Variants in PAK1 observed in about 807,000 individuals in gnomAD.
PAK1 encodes p21 (RAC1) activated kinase 1, also known as serine/threonine-protein kinase PAK 1.
PAK1 carries 29 observed loss-of-function variants against 67.4 expected under a neutral mutation model. The observed-to-expected ratio is 0.43, with a 90% CI of 0.32 to 0.59. PAK1 has a LOEUF of 0.59. Among genes scored for constraint, PAK1 ranks in the 20% least tolerant of loss-of-function variants. The probability of loss-of-function intolerance (pLI) is 0.07; values close to 1 mark genes in which losing one functional copy is unlikely to be tolerated. For synonymous variants in PAK1, 223 were observed against 237.4 expected (o/e 0.94, Z 0.56); for missense variants, 337 against 670.7 (o/e 0.50, Z 5.50).
chr11:77,464,474 G>A (rs572951610), intron 1 of PAK1, among the ~76,000 whole-genome samples: 1 of 152,258 alleles, frequency 6.6e-6, no homozygotes, highest in African/African-American at 2.4e-5. Context: ...ATCTTTGTAA[G>A]AGCAAGGACA....
At chr11:77,409,709 T>C (rs996923096) in intron 1 of PAK1, among the ~76,000 whole-genome samples, 1 of 152,078 alleles carries the variant, frequency 6.6e-6, no homozygotes, top group Non-Finnish European at 1.5e-5. Context: ...ATATCACATG[T>C]TCTCACTCAT....
chr11:77,410,679 G>A (rs755446503), intron 1 of PAK1, among the ~76,000 whole-genome samples: 1 of 151,466 alleles, frequency 6.6e-6, no homozygotes, highest in Non-Finnish European at 1.5e-5. Flanking sequence ...TGAAGGGGAC[G>A]GCGGGAGAAA....
chr11:77,442,683 TAATA>T (rs1317716097), intron 1 of PAK1, among the ~76,000 whole-genome samples: 3 of 152,208 alleles, frequency 2.0e-5, no homozygotes, highest in Non-Finnish European at 2.9e-5. Context: ...CTGTGTGAAA[TAATA>T]AATGTTTATT....
intron 1 of PAK1, among the ~76,000 whole-genome samples, chr11:77,434,140 T>C: frequency 6.6e-6 from 1 of 152,128 alleles, no homozygotes; most frequent in East Asian, 1.9e-4. Flanking sequence ...CTCCTAAATA[T>C]ATACTTAAAG....
the PAK1 span, among the ~76,000 whole-genome samples, chr11:77,512,310 G>C: frequency 6.6e-6 from 1 of 151,420 alleles, no homozygotes; most frequent in Non-Finnish European, 1.5e-5. Flanking sequence ...TTCCTCTTCT[G>C]TGGTCCATGG....
chr11:77,474,394 T>G (rs924849602), upstream of PAK1: 11 of 152,024 alleles, frequency 7.2e-5, no homozygotes, highest in African/African-American at 2.2e-4. Flanking sequence ...AATCACCCGC[T>G]TGCTGCGTGA....
At chr11:77,457,789 A>G (rs929025605) in intron 1 of PAK1, among the ~76,000 whole-genome samples, 2 of 152,218 alleles carry the variant, frequency 1.3e-5, no homozygotes, top group African/African-American at 2.4e-5. Context: ...TAAAATACAC[A>G]CTAGGCAGGA....
At chr11:77,417,750 T>C (rs994271965) in intron 1 of PAK1, among the ~76,000 whole-genome samples, 13 of 151,756 alleles carry the variant, frequency 8.6e-5, no homozygotes, top group African/African-American at 2.9e-4. Context: ...TTTTTTTTTT[T>C]TGAGACAGAG....
At chr11:77,360,699 T>G (rs1233282534) in intron 5 of PAK1, among the ~76,000 whole-genome samples, 1 of 152,184 alleles carries the variant, frequency 6.6e-6, no homozygotes, top group East Asian at 1.9e-4. Flanking sequence ...GGCAGTGATA[T>G]TAACATCTGT....
intron 1 of PAK1, among the ~76,000 whole-genome samples, chr11:77,468,607 T>C (rs1957708006): frequency 6.6e-6 from 1 of 152,216 alleles, no homozygotes; most frequent in South Asian, 2.1e-4. Context: ...CTTCTAAGTC[T>C]GCAACATCAT....
At chr11:77,450,963 T>C (rs1169629972) in intron 1 of PAK1, among the ~76,000 whole-genome samples, 1 of 152,168 alleles carries the variant, frequency 6.6e-6, no homozygotes, top group African/African-American at 2.4e-5. Flanking sequence ...ACAGCAAAGC[T>C]CATACCTTAC....
chr11:77,482,668 A>C, the PAK1 span, among the ~76,000 whole-genome samples: 8 of 147,610 alleles, frequency 5.4e-5, no homozygotes, highest in Admixed American at 5.5e-4. Context: ...ATCTCGTCTC[A>C]CTGCAGCCTC....
chr11:77,442,196 C>T (rs748265427), intron 1 of PAK1, among the ~76,000 whole-genome samples: 8 of 152,126 alleles, frequency 5.3e-5, no homozygotes, highest in Non-Finnish European at 1.0e-4. Flanking sequence ...CTGTGAAAAC[C>T]ACTACTTGGA....
At chr11:77,391,158 C>T (rs1565655185) in intron 2 of PAK1, among the ~76,000 whole-genome samples, 1 of 152,158 alleles carries the variant, frequency 6.6e-6, no homozygotes, top group Non-Finnish European at 1.5e-5. Flanking sequence ...CCGCAATCTA[C>T]CATTGTGCTT....
intron 1 of PAK1, 100 bp from the exon 2 acceptor site, chr11:77,392,641 C>T (rs1735826286): frequency 1.2e-6 from 1 of 861,740 alleles, no homozygotes; most frequent in African/African-American, 1.7e-5. Context: ...TACAGCCCTT[C>T]CTTCAGGGTC....
Position 77,323,219 on chromosome 11 carries a change from A to G in PAK1, c.*55T>C. 1.9e-6 allele frequency: 3 copies of G among 1,612,308 alleles called. No homozygotes were observed. The highest frequency in any genetic ancestry group is 1.1e-5 in the South Asian group (1 of 90,780). ...GGCATCAGGAGTTGGAATTTCTGAA[A>G]TGTGCATTTATCTCACAGAAGGCTT... is the stretch of plus-strand genomic sequence containing the variant. On this transcript the variant is annotated 3_prime_UTR_variant, in exon 15 of 15. Coordinates refer to ENST00000356341, the MANE Select transcript of PAK1 (RefSeq NM_002576.5).
chr11:77,451,624 G>A (rs1209400546), intron 1 of PAK1, among the ~76,000 whole-genome samples: 13 of 150,552 alleles, frequency 8.6e-5, no homozygotes, highest in African/African-American at 3.2e-4. Flanking sequence ...TTTTGAGACG[G>A]CGTCTTGCTC....
At chr11:77,409,979 C>T (rs1954257124) in intron 1 of PAK1, among the ~76,000 whole-genome samples, 1 of 152,136 alleles carries the variant, frequency 6.6e-6, no homozygotes, top group Admixed American at 6.5e-5. Context: ...AGTCCCCTTT[C>T]CCAGACTATA....
At chr11:77,424,278 C>G (rs1163400526) in intron 1 of PAK1, among the ~76,000 whole-genome samples, 1 of 151,758 alleles carries the variant, frequency 6.6e-6, no homozygotes, top group African/African-American at 2.4e-5. Flanking sequence ...TACCTCCTCT[C>G]TCAAGTCTTT....
Sources: gnomAD v4.1 joint callset for allele counts (sites outside exome capture counted in the v4.1 genomes callset) on GRCh38, gnomAD v4.1.1 for gene constraint, MANE v1.5 for transcripts, NCBI Gene and HGNC (gene_info 2026-07-23, HGNC 2026-07-21) for gene names.